Variants in GAB1 observed in about 807,000 individuals in gnomAD.
The protein encoded by GAB1 is GRB2 associated binding protein 1.
GAB1 carries 19 observed loss-of-function variants against 66.5 expected under a neutral mutation model. The ratio of observed to expected loss-of-function variants is 0.29; its 90% CI spans 0.20 to 0.42. GAB1 has a LOEUF of 0.42. GAB1 is among the 10% of genes least tolerant of loss of function. GAB1 has a pLI of 1.00. For missense variants in GAB1, 732 were observed against 858.5 expected (o/e 0.85, Z 1.84); for synonymous variants, 294 against 301.4 (o/e 0.98, Z 0.25).
chr4:143,394,361 C>T (rs890722094), intron 1 of GAB1, among the ~76,000 whole-genome samples: 8 of 152,148 alleles, frequency 5.3e-5, no homozygotes, highest in African/African-American at 1.7e-4. Context: ...CAAGGAAGTC[C>T]AGTGTTGACA....
intron 1 of GAB1, 21 bp from the exon 2 acceptor site, chr4:143,415,456 A>T: frequency 6.4e-7 from 1 of 1,559,944 alleles, no homozygotes; most frequent in African/African-American, 1.4e-5. Context: ...TACTGAATGG[A>T]TATTTTTGTT....
chr4:143,337,472 C>T (rs980625868), intron 1 of GAB1, among the ~76,000 whole-genome samples: 1 of 152,214 alleles, frequency 6.6e-6, no homozygotes, highest in Non-Finnish European at 1.5e-5. Context: ...AACTTTCTTC[C>T]TCCAGGTTCC....
chr4:143,363,669 G>C (rs973714854), intron 1 of GAB1, among the ~76,000 whole-genome samples: 12 of 152,182 alleles, frequency 7.9e-5, no homozygotes, highest in African/African-American at 2.9e-4. Flanking sequence ...CCTTCTCTGT[G>C]AGTATGCCAT....
intron 1 of GAB1, chr4:143,350,186 A>C: frequency 1.5e-6 from 1 of 647,836 alleles, no homozygotes; most frequent in Non-Finnish European, 2.7e-6. Flanking sequence ...TGTGCTCCTA[A>C]ATGTATCATG....
chr4:143,423,865 T>G (rs1188959342), intron 2 of GAB1, among the ~76,000 whole-genome samples: 2 of 139,488 alleles, frequency 1.4e-5, no homozygotes, highest in African/African-American at 5.1e-5. Context: ...AAAGGATATT[T>G]TTTTTTTAAA....
intron 9 of GAB1, among the ~76,000 whole-genome samples, chr4:143,467,898 T>A (rs1260219933): frequency 6.6e-6 from 1 of 152,228 alleles, no homozygotes; most frequent in Non-Finnish European, 1.5e-5. Context: ...ACTTCTCTTA[T>A]ACCTTAGACA....
At chr4:143,371,952 A>G (rs944857323) in intron 1 of GAB1, among the ~76,000 whole-genome samples, 2 of 152,230 alleles carry the variant, frequency 1.3e-5, no homozygotes, top group African/African-American at 4.8e-5. Flanking sequence ...ACCCAGTTCA[A>G]GCATCCAAAA....
At chr4:143,406,409 A>G (rs1360702041) in intron 1 of GAB1, among the ~76,000 whole-genome samples, 2 of 152,194 alleles carry the variant, frequency 1.3e-5, no homozygotes, top group South Asian at 2.1e-4. Context: ...CTGCCTGGAC[A>G]TTTGCACCAC....
intron 1 of GAB1, among the ~76,000 whole-genome samples, chr4:143,358,736 T>G (rs1352251610): frequency 1.3e-5 from 2 of 152,224 alleles, no homozygotes; most frequent in African/African-American, 4.8e-5. Flanking sequence ...AATATGAGTA[T>G]TCAGTAGGTT....
chr4:143,427,838 G>A (rs1217912413), intron 2 of GAB1, among the ~76,000 whole-genome samples: 4 of 152,160 alleles, frequency 2.6e-5, no homozygotes, highest in African/African-American at 9.7e-5. Flanking sequence ...TCTAGAAAGA[G>A]GGGAGCAAAG....
At chr4:143,351,202 G>C (rs1011977069) in intron 1 of GAB1, among the ~76,000 whole-genome samples, 1 of 152,228 alleles carries the variant, frequency 6.6e-6, no homozygotes, top group Non-Finnish European at 1.5e-5. Flanking sequence ...CTGTATCCCA[G>C]TGTTTCTTGC....
intron 1 of GAB1, chr4:143,349,129 G>T: frequency 2.5e-6 from 1 of 395,278 alleles, no homozygotes. Context: ...TGTGACTTTT[G>T]TGAGCCCCAG....
Position 143,460,382 on chromosome 4 carries a change from G to A in GAB1, c.1698G>A (p.Met566Ile). 6.2e-7 allele frequency: 1 copy of A among 1,613,522 alleles called. No homozygotes were observed. The highest frequency in any genetic ancestry group is 8.5e-7 in the Non-Finnish European group (1 of 1,179,624). ...SFARDSSRFP[M>I]SPRPDSVHST... ...TAATTAGCTCTTCCAGGTTTCCCAT[G>A]TCCCCCCGACCAGATTCAGTGCATA... is the stretch of plus-strand genomic sequence containing the variant. The change falls in exon 8 of 10, where the codon ATG (methionine) becomes ATA (isoleucine). Residue 566 changes from methionine (M) to isoleucine (I), a missense_variant. Met to Ile is a conservative substitution (Grantham distance 10). This residue lies in a region of GAB1 where 204 missense variants were observed against 276.8 expected (regional missense o/e 0.74). Transcript: ENST00000262994.
At chr4:143,364,868 CTTTTTTTTTTTTT>C (rs745401852) in intron 1 of GAB1, among the ~76,000 whole-genome samples, 3 of 86,770 alleles carry the variant, frequency 3.5e-5, no homozygotes, top group African/African-American at 5.5e-5. Context: ...CCTGCATCTA[CTTTTTTTTTTTTT>C]TTTTTTTTTT....
At chr4:143,439,121 C>G (rs951940824) in intron 4 of GAB1, among the ~76,000 whole-genome samples, 2 of 152,134 alleles carry the variant, frequency 1.3e-5, no homozygotes, top group Non-Finnish European at 2.9e-5. Flanking sequence ...AATCTTCTTT[C>G]CCCTTATCAC....
chr4:143,385,015 C>T (rs1730835230), intron 1 of GAB1, among the ~76,000 whole-genome samples: 6 of 152,254 alleles, frequency 3.9e-5, no homozygotes, highest in Admixed American at 3.9e-4. Context: ...CTCGTAATAA[C>T]ACAGTGGCTT....
intron 6 of GAB1, among the ~76,000 whole-genome samples, chr4:143,443,145 T>A (rs1406514984): frequency 1.3e-5 from 2 of 151,398 alleles, no homozygotes; most frequent in African/African-American, 4.9e-5. Flanking sequence ...GCTTCCCGAG[T>A]AGCTGGGACT....
chr4:143,373,820 A>ACC (rs1730262330), intron 1 of GAB1, among the ~76,000 whole-genome samples: 1 of 93,558 alleles, frequency 1.1e-5, no homozygotes, highest in African/African-American at 4.7e-5. Context: ...TGGGAGTGAA[A>ACC]CCCTCTCTCT....
intron 1 of GAB1, among the ~76,000 whole-genome samples, chr4:143,384,064 CCT>C (rs1730780812): frequency 1.3e-5 from 2 of 151,756 alleles, no homozygotes; most frequent in Non-Finnish European, 2.9e-5. Flanking sequence ...CAGAGCAAGA[CCT>C]TGTCTCTAAA....
Sources: gnomAD v4.1 joint callset for allele counts (sites outside exome capture counted in the v4.1 genomes callset) on GRCh38, gnomAD v4.1.1 for gene constraint, gnomAD v4.1.1 regional missense constraint, MANE v1.5 for transcripts, NCBI Gene and HGNC (gene_info 2026-07-23, HGNC 2026-07-21) for gene names.